ZNF679: variants seen among roughly 807,000 people sequenced by gnomAD.
ZNF679 encodes the protein zinc finger protein 679.
ZNF679 carries 10 observed loss-of-function variants against 13.4 expected under a neutral mutation model. That is an observed-to-expected ratio of 0.75 (90% CI 0.46 to 1.27). ZNF679 has a LOEUF of 1.27. Among genes scored for constraint, ZNF679 ranks in the 50% most tolerant of loss-of-function variants. The probability of loss-of-function intolerance (pLI) is 0.00; values close to 1 mark genes in which losing one functional copy is unlikely to be tolerated. For missense variants in ZNF679, 525 were observed against 477.8 expected (o/e 1.10, Z -0.92); for synonymous variants, 179 against 162.5 (o/e 1.10, Z -0.77).
chr7:64,239,909 G>T (rs2116516181), intron 1 of ZNF679, among the ~76,000 whole-genome samples: 1 of 152,292 alleles, frequency 6.6e-6, no homozygotes, highest in East Asian at 1.9e-4. Context: ...GCTGGGCCCA[G>T]TACTGGGTGA....
chr7:64,233,394 G>A (rs1175350941), intron 1 of ZNF679, among the ~76,000 whole-genome samples: 1 of 152,142 alleles, frequency 6.6e-6, no homozygotes, highest in Non-Finnish European at 1.5e-5. Flanking sequence ...GGGAGGCTGA[G>A]GTGGGAGGAT....
chr7:64,260,984 A>T, intron 4 of ZNF679, 55 bp downstream of exon 4: 1 of 1,525,420 alleles, frequency 6.6e-7, no homozygotes, highest in Non-Finnish European at 8.9e-7. Flanking sequence ...AAAGTCAAGG[A>T]GGAAGCCAGT....
At chr7:64,252,101 C>T (rs774104125) in intron 2 of ZNF679, among the ~76,000 whole-genome samples, 9 of 152,154 alleles carry the variant, frequency 5.9e-5, no homozygotes, top group Non-Finnish European at 1.3e-4. Flanking sequence ...AAAGTAATTG[C>T]ACCTGGGGAA....
intron 2 of ZNF679, among the ~76,000 whole-genome samples, chr7:64,256,572 C>T (rs1468383252): frequency 2.3e-5 from 1 of 43,832 alleles, no homozygotes; most frequent in South Asian, 8.5e-4. Context: ...ACCTCACAAG[C>T]ATCTGTTGTT....
chr7:64,257,736 G>A (rs1375637453), intron 2 of ZNF679, among the ~76,000 whole-genome samples: 1 of 152,208 alleles, frequency 6.6e-6, no homozygotes, highest in African/African-American at 2.4e-5. Context: ...TCAGGGTGGA[G>A]ATTGGTTGTC....
chr7:64,261,860 C>CTTTTTTTTTTTTTTT (rs57119054), intron 4 of ZNF679, among the ~76,000 whole-genome samples: 2 of 137,384 alleles, frequency 1.5e-5, no homozygotes, highest in Non-Finnish European at 3.1e-5. Context: ...TTCTTTCTTT[C>CTTTTTTTTTTTTTTT]TTTTTTTTTT....
chr7:64,259,965 T>C (rs554914256), intron 2 of ZNF679, among the ~76,000 whole-genome samples: 64 of 151,404 alleles, frequency 4.2e-4, no homozygotes, highest in Admixed American at 1.6e-3. Context: ...AAGAAAAAAA[T>C]AGACATGTGC....
At chr7:64,238,814 A>AT in intron 1 of ZNF679, among the ~76,000 whole-genome samples, 1 of 152,294 alleles carries the variant, frequency 6.6e-6, no homozygotes, top group Middle Eastern at 3.4e-3. Flanking sequence ...CCCTCCTCCC[A>AT]TCTTGACTCT....
At chr7:64,246,989 C>T (rs1475987796) in intron 1 of ZNF679, among the ~76,000 whole-genome samples, 1 of 152,090 alleles carries the variant, frequency 6.6e-6, no homozygotes, top group Non-Finnish European at 1.5e-5. Context: ...TGGGCAATTC[C>T]CAGAACTGTG....
rs557705388 is a variant in ZNF679 at position 64,244,305 on chromosome 7, TA to T, written c.-90-4716del. 2.8e-3 allele frequency among the ~76,000 whole-genome samples: 428 copies of T among 152,308 alleles called. 1 individual carries two copies. Among genetic ancestry groups the T allele is most frequent in the African/African-American group, 9.8e-3 (408 of 41,568 alleles). On this transcript the variant is annotated intron_variant, in intron 1 of 4. Transcript: ENST00000421025. ...TGACTTTTAACTGTGATGCTCTTTT[TA>T]AAAAAATTATTTAATTCTCTAATTA...
intron 4 of ZNF679, among the ~76,000 whole-genome samples, chr7:64,264,436 T>A (rs1206424326): frequency 6.6e-6 from 1 of 152,102 alleles, no homozygotes; most frequent in Non-Finnish European, 1.5e-5. Context: ...CACAGATTTT[T>A]ATTTTTTGTA....
In ZNF679 at chr7:64,230,531, C is replaced by T. The variant is rs565782017; in HGVS notation, c.-91+1879C>T. On this transcript the variant is annotated intron_variant, in intron 1 of 4. Coordinates refer to ENST00000421025, the MANE Select transcript of ZNF679 (RefSeq NM_153363.3). ...GTCTGGCCTGGGCGACAGAGCGAGA[C>T]TCCGTCTCAAAAAAAAAAAAAAAAA... Among the ~76,000 whole-genome samples the T allele has an allele frequency of 5.7e-3, 811 of 141,738 alleles. 5 individuals are homozygous for T. The highest frequency in any genetic ancestry group is 9.3e-3 in the Non-Finnish European group (615 of 66,246). The allele number at this position is 141,738 out of a possible 152,430, so 93.0% of individuals were successfully genotyped here.
intron 1 of ZNF679, among the ~76,000 whole-genome samples, chr7:64,238,598 G>A (rs1028093870): frequency 6.6e-6 from 1 of 152,124 alleles, no homozygotes; most frequent in Admixed American, 6.5e-5. Context: ...ATGTTGACCA[G>A]ACTGGTCCTG....
chr7:64,247,066 G>T (rs1158155304), intron 1 of ZNF679, among the ~76,000 whole-genome samples: 1 of 152,186 alleles, frequency 6.6e-6, no homozygotes, highest in Non-Finnish European at 1.5e-5. Context: ...TAACTGTCAT[G>T]GCACTGGTGG....
chr7:64,259,192 G>A (rs113751874), intron 2 of ZNF679, among the ~76,000 whole-genome samples: 8 of 152,200 alleles, frequency 5.3e-5, no homozygotes, highest in East Asian at 1.9e-4. Context: ...GATTACAGGC[G>A]TGAGCTACCG....
intron 2 of ZNF679, among the ~76,000 whole-genome samples, 165 bp downstream of exon 2, chr7:64,249,321 G>T (rs897785782): frequency 1.3e-5 from 2 of 152,154 alleles, no homozygotes; most frequent in Non-Finnish European, 2.9e-5. Flanking sequence ...CCATAATATG[G>T]TGCCTGGGCC....
chr7:64,230,539 CAAAAAAAAAA>C lies in ZNF679; in HGVS notation c.-91+1895_-91+1904del, dbSNP rs948433156. Among the ~76,000 whole-genome samples the C allele has an allele frequency of 4.7e-3, 290 of 61,224 alleles. 1 individual carries two copies. The highest frequency in any genetic ancestry group is 7.8e-3 in the Non-Finnish European group (215 of 27,420). 40.2% of individuals were successfully genotyped at this position (61,224 alleles called of 152,430 possible). A position where few individuals can be genotyped will look rare whatever the true frequency, so the allele number is the denominator to read the frequency against. On this transcript the variant is annotated intron_variant, in intron 1 of 4. Transcript: ENST00000421025. ...TGGGCGACAGAGCGAGACTCCGTCT[CAAAAAAAAAA>C]AAAAAAAGAAAAAGAAAAGGGCCAA...
intron 1 of ZNF679, among the ~76,000 whole-genome samples, chr7:64,231,246 T>C (rs893509370): frequency 6.6e-6 from 1 of 152,228 alleles, no homozygotes; most frequent in Non-Finnish European, 1.5e-5. Context: ...AAGAGAGTCA[T>C]CATTATGCCT....
chr7:64,266,376 C>G lies in ZNF679; in HGVS notation c.743C>G (p.Ala248Gly), dbSNP rs1198672172. ...TACAGATGTGAGGAATGTGGCAAAG[C>G]TTTTACCTGGTCCTCAACCCTTACT... ...KPYRCEECGK[A>G]FTWSSTLTKH... The change falls in exon 5 of 5, where the codon GCT becomes GGT. Residue 248 changes from alanine to glycine, a missense_variant. Coordinates refer to ENST00000421025, the MANE Select transcript of ZNF679 (RefSeq NM_153363.3). 3.7e-6 allele frequency: 6 copies of G among 1,613,484 alleles called. No homozygotes were observed. In the Admixed American group the frequency reaches 5.0e-5, roughly 13 times the overall value.
Sources: gnomAD v4.1 joint callset for allele counts (sites outside exome capture counted in the v4.1 genomes callset) on GRCh38, gnomAD v4.1.1 for gene constraint, MANE v1.5 for transcripts, NCBI Gene and HGNC (gene_info 2026-07-23, HGNC 2026-07-21) for gene names.